The following TSPAN15 variants were observed in gnomAD, a reference collection of about 807,000 sequenced individuals.
The protein encoded by TSPAN15 is tetraspanin 15, also known as tetraspanin-15.
A neutral mutation model predicts 34.5 loss-of-function variants in TSPAN15; 20 were observed. The ratio of observed to expected loss-of-function variants is 0.58; its 90% CI spans 0.41 to 0.84. The LOEUF (loss-of-function observed/expected upper bound fraction) is 0.84, where lower values mean the gene tolerates loss of function less well. TSPAN15 is among the 40% of genes least tolerant of loss of function. The probability of loss-of-function intolerance (pLI) is 0.00; values close to 1 mark genes in which losing one functional copy is unlikely to be tolerated. For missense variants in TSPAN15, 313 were observed against 386.1 expected, an observed-to-expected ratio of 0.81 and a Z score of 1.59; for synonymous variants, 155 against 153.9, an observed-to-expected ratio of 1.01 and a Z score of -0.05.
At chr10:69,535,511 A>G in the TSPAN15 span, among the ~76,000 whole-genome samples, 1 of 152,258 alleles carries the variant, frequency 6.6e-6, no homozygotes, top group Non-Finnish European at 1.5e-5. Flanking sequence ...TTAAAGGGAA[A>G]GAATCAAGCA....
intron 1 of TSPAN15, among the ~76,000 whole-genome samples, chr10:69,468,356 T>A (rs1278851598): frequency 1.3e-5 from 2 of 152,132 alleles, no homozygotes; most frequent in South Asian, 4.1e-4. Context: ...TGCACTGATG[T>A]GTAGGGCAGT....
chr10:69,454,380 T>C (rs529510253), intron 1 of TSPAN15, among the ~76,000 whole-genome samples: 2 of 151,982 alleles, frequency 1.3e-5, no homozygotes, highest in Non-Finnish European at 2.9e-5. Flanking sequence ...TAGCCAGGCG[T>C]GGTGGTGTGT....
At chr10:69,465,829 A>G (rs1320461646) in intron 1 of TSPAN15, among the ~76,000 whole-genome samples, 1 of 151,310 alleles carries the variant, frequency 6.6e-6, no homozygotes. Context: ...CTCATCAAAC[A>G]TGTTCTAGGC....
chr10:69,543,175 C>T, the TSPAN15 span, among the ~76,000 whole-genome samples: 1 of 152,132 alleles, frequency 6.6e-6, no homozygotes, highest in African/African-American at 2.4e-5. Flanking sequence ...AGAATGCATT[C>T]GTCTGTGGTT....
chr10:69,545,822 G>T, the TSPAN15 span, among the ~76,000 whole-genome samples: 1 of 152,134 alleles, frequency 6.6e-6, no homozygotes, highest in African/African-American at 2.4e-5. Context: ...TGGGCGTAGT[G>T]GTGGGCACCT....
intron 1 of TSPAN15, among the ~76,000 whole-genome samples, chr10:69,474,947 G>T (rs943895719): frequency 6.6e-6 from 1 of 152,176 alleles, no homozygotes; most frequent in East Asian, 1.9e-4. Flanking sequence ...CGGGGTCTGG[G>T]GGGGCCTGGC....
rs772388764 is a variant in TSPAN15 at position 69,451,624 on chromosome 10, C to G, written c.30C>G (p.Arg10=). ...CGCGCGGGGACTCGGAGCAGGTGCG[C>G]TACTGCGCGCGCTTCTCCTACCTCT... MPRGDSEQV[R]YCARFSYLWL... The change falls in exon 1 of 8, where the codon CGC becomes CGG. Residue 10 remains arginine (R), a synonymous_variant. Transcript: ENST00000373290. The G allele has an allele frequency of 2.4e-5, 36 of 1,531,226 alleles. No individual in the cohort carries two copies. The highest frequency in any genetic ancestry group is 2.9e-5 in the Non-Finnish European group (33 of 1,136,962). The allele number at this position is 1,531,226 out of a possible 1,614,324, so 94.9% of individuals were successfully genotyped here.
At chr10:69,547,095 A>G in the TSPAN15 span, among the ~76,000 whole-genome samples, 3 of 152,008 alleles carry the variant, frequency 2.0e-5, no homozygotes, top group African/African-American at 7.2e-5. Flanking sequence ...CCAGCTACTC[A>G]GGAGGCTGAG....
intron 1 of TSPAN15, among the ~76,000 whole-genome samples, chr10:69,465,967 A>G (rs1427769463): frequency 1.3e-5 from 2 of 152,178 alleles, no homozygotes; most frequent in East Asian, 3.9e-4. Flanking sequence ...CTGGAGTAGC[A>G]CCAGCTTCCC....
intron 5 of TSPAN15, 33 bp downstream of exon 5, chr10:69,498,429 G>C (rs767172217): frequency 5.2e-6 from 8 of 1,551,400 alleles, no homozygotes; most frequent in African/African-American, 1.4e-5. Context: ...CTGGGGGGCT[G>C]TCGGGGACCC....
the TSPAN15 span, among the ~76,000 whole-genome samples, chr10:69,518,073 T>C: frequency 1.3e-5 from 2 of 152,220 alleles, no homozygotes; most frequent in African/African-American, 4.8e-5. Context: ...TATGTGTACT[T>C]CAGGCTGTAT....
intron 1 of TSPAN15, among the ~76,000 whole-genome samples, chr10:69,469,045 A>AGGGTTGGACTGTTCAGCCCCTCCTGG (rs142467676): frequency 9.3e-6 from 1 of 107,164 alleles, no homozygotes; most frequent in African/African-American, 3.9e-5. Context: ...AAATAATTAG[A>AGGGTTGGACTGTTCAGCCCCTCCTGG]GGGCTGGACA....
At chr10:69,478,636 T>TG (rs1841667098) in intron 1 of TSPAN15, among the ~76,000 whole-genome samples, 1 of 152,186 alleles carries the variant, frequency 6.6e-6, no homozygotes, top group Non-Finnish European at 1.5e-5. Flanking sequence ...TTTGGTTCTC[T>TG]GGGGAAGCCC....
chr10:69,507,759 A>T, downstream of TSPAN15: 1 of 680,646 alleles, frequency 1.5e-6, no homozygotes, highest in Non-Finnish European at 2.0e-6. Context: ...GCGAGGATGA[A>T]GGGGGTGCAT....
At chr10:69,509,480 T>C (rs949275057), downstream of TSPAN15, among the ~76,000 whole-genome samples, 1 of 152,164 alleles carries the variant, frequency 6.6e-6, no homozygotes, top group Non-Finnish European at 1.5e-5. Context: ...ATTCTGGATA[T>C]TAGCTCTTTG....
intron 1 of TSPAN15, among the ~76,000 whole-genome samples, chr10:69,480,135 C>T (rs1841701768): frequency 6.6e-6 from 1 of 152,208 alleles, no homozygotes; most frequent in Non-Finnish European, 1.5e-5. Flanking sequence ...AAGCCACTGA[C>T]TGCCTTTATG....
chr10:69,504,285 C>G (rs532405993), intron 5 of TSPAN15, among the ~76,000 whole-genome samples, 153 bp from the exon 6 acceptor site: 1 of 152,180 alleles, frequency 6.6e-6, no homozygotes, highest in South Asian at 2.1e-4. Context: ...GATGGAGACT[C>G]AAGCCAGACT....
In TSPAN15 at chr10:69,495,701, G is replaced by C. The variant is rs186896674; in HGVS notation, c.453+12G>C. 22 of 1,603,866 alleles carry C rather than the reference G, an allele frequency of 1.4e-5. No individual in the cohort carries two copies. In the Admixed American group the frequency reaches 3.7e-4, roughly 27 times the overall value. ...TTGTTCAGAAAAAGGTGAGCCAGGC[G>C]CTTTGGGGTAGAGATGCGCCTCCCG... is the stretch of plus-strand genomic sequence containing the variant. On this transcript the variant is annotated intron_variant, in intron 4 of 7. Coordinates refer to ENST00000373290, the MANE Select transcript of TSPAN15 (RefSeq NM_012339.5).
At chr10:69,455,628 C>CCCCCG (rs1841087383) in intron 1 of TSPAN15, among the ~76,000 whole-genome samples, 2 of 114,596 alleles carry the variant, frequency 1.7e-5, no homozygotes, top group Non-Finnish European at 1.8e-5. Flanking sequence ...CTCTCTCTCC[C>CCCCCG]CCCCCCGTCT....
Sources: gnomAD v4.1 joint callset for allele counts (sites outside exome capture counted in the v4.1 genomes callset) on GRCh38, gnomAD v4.1.1 for gene constraint, MANE v1.5 for transcripts, NCBI Gene and HGNC (gene_info 2026-07-23, HGNC 2026-07-21) for gene names.